Variants in ATP8A2 observed in about 807,000 individuals in gnomAD.
The protein encoded by ATP8A2 is ATPase phospholipid transporting 8A2, also known as phospholipid-transporting ATPase IB.
ATP8A2 carries 100 observed loss-of-function variants against 165.6 expected under a neutral mutation model. That is an observed-to-expected ratio of 0.60 (90% confidence interval 0.51 to 0.71). The LOEUF (loss-of-function observed/expected upper bound fraction) is 0.71. Among genes scored for constraint, ATP8A2 ranks in the 30% least tolerant of loss-of-function variants. ATP8A2 has a pLI of 0.00. For synonymous variants in ATP8A2, 543 were observed against 548.8 expected, an observed-to-expected ratio of 0.99 and a Z score of 0.15; for missense variants, 1,227 against 1,479.5, an observed-to-expected ratio of 0.83 and a Z score of 2.80.
chr13:25,467,172 A>G (rs1339917158), intron 1 of ATP8A2, among the ~76,000 whole-genome samples: 1 of 152,134 alleles, frequency 6.6e-6, no homozygotes, highest in Non-Finnish European at 1.5e-5. Flanking sequence ...GAAGGAGATG[A>G]GGGATCCTGT....
intron 1 of ATP8A2, among the ~76,000 whole-genome samples, chr13:25,442,946 A>G (rs1354942452): frequency 1.3e-5 from 2 of 152,140 alleles, no homozygotes; most frequent in Non-Finnish European, 2.9e-5. Context: ...CTAGATACTA[A>G]TCCTTTATCA....
chr13:25,428,565 C>T (rs2138134622), intron 1 of ATP8A2, among the ~76,000 whole-genome samples: 1 of 152,248 alleles, frequency 6.6e-6, no homozygotes, highest in East Asian at 1.9e-4. Context: ...ACCGTCTCAC[C>T]CTCCCTGCAG....
chr13:25,879,006 G>T (rs1483947578), intron 33 of ATP8A2, among the ~76,000 whole-genome samples: 1 of 152,158 alleles, frequency 6.6e-6, no homozygotes, highest in Middle Eastern at 3.2e-3. Flanking sequence ...ATCACCATGC[G>T]ATTTGCTCCC....
chr13:25,935,604 C>T (rs1457588660), intron 33 of ATP8A2, among the ~76,000 whole-genome samples: 2 of 152,118 alleles, frequency 1.3e-5, no homozygotes, highest in African/African-American at 4.8e-5. Flanking sequence ...GAAGGCAAAG[C>T]GGGAGCTGGT....
intron 24 of ATP8A2, among the ~76,000 whole-genome samples, chr13:25,616,951 A>G (rs1489598648): frequency 6.6e-6 from 1 of 152,202 alleles, no homozygotes; most frequent in East Asian, 1.9e-4. Flanking sequence ...AGGGTGGTAC[A>G]TGTATAATTT....
At chr13:25,430,290 A>G (rs1415352801) in intron 1 of ATP8A2, among the ~76,000 whole-genome samples, 4 of 151,928 alleles carry the variant, frequency 2.6e-5, no homozygotes, top group Non-Finnish European at 5.9e-5. Context: ...GTCTCCGGTA[A>G]GGGATGGACA....
chr13:25,978,846 A>T, intron 35 of ATP8A2, among the ~76,000 whole-genome samples: 1 of 152,148 alleles, frequency 6.6e-6, no homozygotes, highest in East Asian at 1.9e-4. Flanking sequence ...AGGCTGAGGC[A>T]GGAGAATGAC....
intron 25 of ATP8A2, among the ~76,000 whole-genome samples, chr13:25,760,844 A>C (rs1297165360): frequency 6.6e-6 from 1 of 152,202 alleles, no homozygotes; most frequent in Non-Finnish European, 1.5e-5. Context: ...TCTCTTTTGG[A>C]ATATGGAAAC....
intron 2 of ATP8A2, among the ~76,000 whole-genome samples, chr13:25,521,251 T>C: frequency 6.6e-6 from 1 of 152,214 alleles, no homozygotes; most frequent in East Asian, 1.9e-4. Flanking sequence ...TTGAGCTCCT[T>C]ATTATATTCT....
At chr13:25,436,191 G>C (rs2034770159) in intron 1 of ATP8A2, among the ~76,000 whole-genome samples, 1 of 152,010 alleles carries the variant, frequency 6.6e-6, no homozygotes, top group Non-Finnish European at 1.5e-5. Context: ...GTGAAGCTGA[G>C]GTTTGGGGTA....
chr13:25,941,451 G>A (rs1955070078), intron 33 of ATP8A2, among the ~76,000 whole-genome samples: 1 of 152,148 alleles, frequency 6.6e-6, no homozygotes, highest in Non-Finnish European at 1.5e-5. Context: ...AAGCACCTCT[G>A]TAGGAGGCAG....
At chr13:25,659,735 G>A (rs974701295) in intron 24 of ATP8A2, among the ~76,000 whole-genome samples, 6 of 152,162 alleles carry the variant, frequency 3.9e-5, no homozygotes, top group African/African-American at 1.4e-4. Flanking sequence ...ACCTCTCTAA[G>A]GCACTGCTAT....
intron 24 of ATP8A2, among the ~76,000 whole-genome samples, chr13:25,692,267 T>C (rs1412003875): frequency 6.6e-6 from 1 of 152,156 alleles, no homozygotes; most frequent in Non-Finnish European, 1.5e-5. Context: ...AGGCTAAGCA[T>C]GGTGTGGTTG....
chr13:26,009,579 G>A (rs1366590922), intron 35 of ATP8A2, among the ~76,000 whole-genome samples: 1 of 152,196 alleles, frequency 6.6e-6, no homozygotes, highest in Non-Finnish European at 1.5e-5. Context: ...ATGGAGTCAA[G>A]TTAGCCTTGG....
chr13:25,681,957 C>T (rs962240824), intron 24 of ATP8A2, among the ~76,000 whole-genome samples: 9 of 152,234 alleles, frequency 5.9e-5, no homozygotes, highest in South Asian at 4.2e-4. Flanking sequence ...GGGTCCCCGT[C>T]GAGTGACGGC....
At chr13:25,392,723 C>G (rs1446593812) in intron 1 of ATP8A2, among the ~76,000 whole-genome samples, 1 of 152,142 alleles carries the variant, frequency 6.6e-6, no homozygotes, top group African/African-American at 2.4e-5. Context: ...CCCCATTTCT[C>G]TGGAGCATGT....
chr13:25,893,672 G>A (rs1953448581), intron 33 of ATP8A2, among the ~76,000 whole-genome samples: 1 of 152,196 alleles, frequency 6.6e-6, no homozygotes, highest in African/African-American at 2.4e-5. Flanking sequence ...CGCCAACAGT[G>A]TAAAAGTGTT....
At chr13:25,390,710 A>C (rs1341682253) in intron 1 of ATP8A2, among the ~76,000 whole-genome samples, 1 of 152,132 alleles carries the variant, frequency 6.6e-6, no homozygotes, top group Non-Finnish European at 1.5e-5. Context: ...TGGGTGGATC[A>C]TTTGAGGTCA....
At chr13:25,521,463 C>T (rs141434460) in intron 2 of ATP8A2, among the ~76,000 whole-genome samples, 3 of 152,220 alleles carry the variant, frequency 2.0e-5, no homozygotes, top group African/African-American at 7.2e-5. Context: ...GACCAATGTC[C>T]TGGAGTATTT....
Sources: gnomAD v4.1 joint callset for allele counts (sites outside exome capture counted in the v4.1 genomes callset) on GRCh38, gnomAD v4.1.1 for gene constraint, MANE v1.5 for transcripts, NCBI Gene and HGNC (gene_info 2026-07-23, HGNC 2026-07-21) for gene names.